The following MTMR3 variants were observed in gnomAD, a reference collection of about 807,000 sequenced individuals.
MTMR3 encodes phosphatidylinositol-3,5-bisphosphate 3-phosphatase MTMR3.
MTMR3 carries 32 observed loss-of-function variants against 132.4 expected under a neutral mutation model. The ratio of observed to expected loss-of-function variants is 0.24; its 90% CI spans 0.18 to 0.32. The LOEUF is 0.32. MTMR3 is among the 10% of genes least tolerant of loss of function. The pLI is 1.00. For synonymous variants in MTMR3, 556 were observed against 550.3 expected, an observed-to-expected ratio of 1.01 and a Z score of -0.14; for missense variants, 1,216 against 1,489.6, an observed-to-expected ratio of 0.82 and a Z score of 3.02.
intron 1 of MTMR3, among the ~76,000 whole-genome samples, chr22:29,948,955 G>A (rs374098411): frequency 8.0e-4 from 122 of 151,826 alleles, no homozygotes; most frequent in African/African-American, 2.7e-3. Context: ...AAAATGAGCC[G>A]GGCATGGTGG....
chr22:29,997,779 T>A (rs1312168689), intron 7 of MTMR3: 4 of 152,238 alleles, frequency 2.6e-5, no homozygotes, highest in Non-Finnish European at 5.9e-5. Context: ...ATACCCTATT[T>A]GGTGTCTTGG....
chr22:29,990,491 A>C (rs2066940606), intron 6 of MTMR3: 1 of 152,180 alleles, frequency 6.6e-6, no homozygotes, highest in Admixed American at 6.5e-5. Flanking sequence ...ACTGGCTACA[A>C]CTCACAGTTT....
intron 5 of MTMR3, chr22:29,981,413 A>T (rs1048180676): frequency 6.6e-6 from 1 of 152,166 alleles, no homozygotes; most frequent in Non-Finnish European, 1.5e-5. Flanking sequence ...CCCCATTGTG[A>T]TTGAGAGATA....
Position 29,930,277 on chromosome 22 carries a change from C to G in MTMR3, c.-137-26759C>G, listed in dbSNP as rs528146494. On this transcript the variant is annotated intron_variant, in intron 1 of 19. Coordinates refer to ENST00000401950, the MANE Select transcript of MTMR3 (RefSeq NM_021090.4). The stretch of plus-strand genomic sequence containing the variant: ...TCCAGGTACCCTTTGGCCATTAATT[C>G]TCTCTACTGCTCAGTGAACCACTGA... Among the ~76,000 whole-genome samples, 37 of 152,250 alleles carry G rather than the reference C, an allele frequency of 2.4e-4. 1 individual carries two copies. In the South Asian group the frequency reaches 7.7e-3, roughly 32 times the overall value.
intron 1 of MTMR3, among the ~76,000 whole-genome samples, chr22:29,938,794 A>G (rs1027244664): frequency 6.6e-6 from 1 of 152,138 alleles, no homozygotes; most frequent in African/African-American, 2.4e-5. Flanking sequence ...GAGGTGATTT[A>G]GAAAACTATA....
chr22:29,959,759 ATTTTT>A (rs35031180), intron 2 of MTMR3, among the ~76,000 whole-genome samples: 1 of 133,904 alleles, frequency 7.5e-6, no homozygotes, highest in Non-Finnish European at 1.6e-5. Context: ...AAAAGTGTTA[ATTTTT>A]TTTTTTTTTT....
At chr22:30,025,532 T>C in intron 19 of MTMR3, 98 bp from the exon 20 acceptor site, 1 of 1,310,950 alleles carries the variant, frequency 7.6e-7, no homozygotes, top group Non-Finnish European at 1.1e-6. Flanking sequence ...CTCCAGCACA[T>C]GCAAATTACA....
In MTMR3 at chr22:29,988,389, G is replaced by C. The variant is rs1166708462; in HGVS notation, c.211-91G>C. On this transcript the variant is annotated intron_variant, in intron 5 of 19. Transcript: ENST00000401950. ...TCTATTTTTGTTGCTTTCCCTTATA[G>C]ATCTTTTTAATTAGTCTTGTTGGAC... The C allele has an allele frequency of 8.0e-6, 7 of 879,006 alleles. No individual in the cohort carries two copies. The East Asian group carries it at 1.8e-4, about 23-fold the overall frequency. 54.5% of individuals were successfully genotyped at this position (879,006 alleles called of 1,614,324 possible).
In MTMR3 at chr22:29,893,621, C is replaced by A. The variant is rs1243372290; in HGVS notation, c.-138+10262C>A. ...ATTAGTCTTCCAAAGAACTAGTATG[C>A]TACTTCCCGCTTGTTCTGCAGTATT... On this transcript the variant is annotated intron_variant, in intron 1 of 19. Transcript: ENST00000401950. 3.9e-5 allele frequency among the ~76,000 whole-genome samples: 6 copies of A among 152,160 alleles called. No homozygotes were observed. In the East Asian group the frequency reaches 1.2e-3, roughly 29 times the overall value.
rs1231257981 is a variant in MTMR3 at position 29,897,731 on chromosome 22, T to A, written c.-138+14372T>A. 3.9e-5 allele frequency among the ~76,000 whole-genome samples: 6 copies of A among 152,284 alleles called. No individual in the cohort carries two copies. The East Asian group carries it at 1.2e-3, about 29-fold the overall frequency. On this transcript the variant is annotated intron_variant, in intron 1 of 19. Coordinates refer to ENST00000401950, the MANE Select transcript of MTMR3 (RefSeq NM_021090.4). Reference sequence around the variant, plus strand: ...CCCCAAAGGGCTGGGATTACAGGGGTGAGCCACTGTGCCTGGCCTGTATTT... The same window carrying A: ...CCCCAAAGGGCTGGGATTACAGGGGAGAGCCACTGTGCCTGGCCTGTATTT...
intron 1 of MTMR3, among the ~76,000 whole-genome samples, chr22:29,901,141 G>A (rs758123729): frequency 9.9e-5 from 15 of 152,004 alleles, no homozygotes; most frequent in Non-Finnish European, 2.1e-4. Flanking sequence ...AGTCTCATTT[G>A]TTTTGACCAT....
intron 1 of MTMR3, among the ~76,000 whole-genome samples, chr22:29,948,527 A>G (rs938456646): frequency 4.6e-5 from 7 of 152,220 alleles, no homozygotes; most frequent in Admixed American, 2.0e-4. Flanking sequence ...AAATACCTAC[A>G]CAGAATAGGA....
chr22:29,884,293 A>G (rs910034991), intron 1 of MTMR3, among the ~76,000 whole-genome samples: 2 of 152,202 alleles, frequency 1.3e-5, no homozygotes, highest in Non-Finnish European at 2.9e-5. Context: ...CCCCAAAACC[A>G]TATACTTTTC....
At chr22:29,903,858 CA>C (rs1231792273) in intron 1 of MTMR3, among the ~76,000 whole-genome samples, 1 of 152,138 alleles carries the variant, frequency 6.6e-6, no homozygotes, top group African/African-American at 2.4e-5. Flanking sequence ...TGTTTGGAGC[CA>C]AGGGATATTA....
chr22:29,977,595 T>C (rs1479631001), intron 3 of MTMR3, among the ~76,000 whole-genome samples: 1 of 152,162 alleles, frequency 6.6e-6, no homozygotes, highest in Non-Finnish European at 1.5e-5. Flanking sequence ...TTTTCAAGCT[T>C]TCTATTATGA....
At chr22:30,013,613 C>T in intron 14 of MTMR3, 72 bp downstream of exon 14, 1 of 1,412,992 alleles carries the variant, frequency 7.1e-7, no homozygotes, top group Non-Finnish European at 9.8e-7. Flanking sequence ...GGCCAGTTCT[C>T]ACATGAAACT....
chr22:29,923,621 T>C (rs2065462243), intron 1 of MTMR3, among the ~76,000 whole-genome samples: 1 of 152,186 alleles, frequency 6.6e-6, no homozygotes. Flanking sequence ...TATCACACTC[T>C]GGGTGGCTTA....
intron 3 of MTMR3, chr22:29,978,156 T>C: frequency 4.1e-6 from 1 of 241,164 alleles, no homozygotes; most frequent in Non-Finnish European, 8.5e-6. Context: ...GATAGTGAGA[T>C]TCTGTCTCAA....
In MTMR3 at chr22:29,943,398, T is replaced by A. The variant is rs528572327; in HGVS notation, c.-137-13638T>A. Among the ~76,000 whole-genome samples the A allele has an allele frequency of 1.2e-4, 18 of 152,240 alleles. No individual in the cohort carries two copies. The South Asian group carries it at 3.5e-3, about 30-fold the overall frequency. On this transcript the variant is annotated intron_variant, in intron 1 of 19. Transcript: ENST00000401950. The stretch of plus-strand genomic sequence containing the variant: ...TTAGTAGAGATAGGGTTTCACCATG[T>A]TAGCCAGGATGGTCTCGATCTGACC...
Sources: gnomAD v4.1 joint callset for allele counts (sites outside exome capture counted in the v4.1 genomes callset) on GRCh38, gnomAD v4.1.1 for gene constraint, MANE v1.5 for transcripts, NCBI Gene and HGNC (gene_info 2026-07-23, HGNC 2026-07-21) for gene names.